The following UGT2A1 variants were observed in gnomAD, a reference collection of about 807,000 sequenced individuals.
UGT2A1 encodes UDP-glucuronosyltransferase 2A1.
UGT2A1 carries 61 observed loss-of-function variants against 45.4 expected under a neutral mutation model. The ratio of observed to expected loss-of-function variants is 1.34; its 90% CI spans 1.09 to 1.66. UGT2A1 has a LOEUF of 1.66. Ranked by LOEUF, UGT2A1 falls within the 40% of genes most tolerant of loss-of-function variation. The pLI, the probability that UGT2A1 is intolerant of heterozygous loss-of-function variation, is 0.00. For missense variants in UGT2A1, 649 were observed against 574.3 expected, an observed-to-expected ratio of 1.13 and a Z score of -1.33; for synonymous variants, 229 against 196.2, an observed-to-expected ratio of 1.17 and a Z score of -1.40.
chr4:69,628,290 A>AC (rs1721204080), intron 3 of UGT2A1, among the ~76,000 whole-genome samples: 1 of 151,784 alleles, frequency 6.6e-6, no homozygotes, highest in Non-Finnish European at 1.5e-5. Flanking sequence ...CCACAAAAAA[A>AC]CAAATATTCA....
intron 1 of UGT2A1, among the ~76,000 whole-genome samples, chr4:69,652,964 C>T (rs1275273738): frequency 6.6e-6 from 1 of 152,172 alleles, no homozygotes; most frequent in Non-Finnish European, 1.5e-5. Context: ...GCTCTGTCCA[C>T]ACAGTTCCCT....
At chr4:69,648,188 TAAATATTTATAAATTC>T (rs1214844524) in intron 1 of UGT2A1, among the ~76,000 whole-genome samples, 35 of 149,592 alleles carry the variant, frequency 2.3e-4, no homozygotes, top group Admixed American at 8.7e-4. Flanking sequence ...TATATTACTA[TAAATATTTATAAATTC>T]AAATATTTAT....
chr4:69,592,898 T>G (rs1236195179), intron 6 of UGT2A1, among the ~76,000 whole-genome samples: 2 of 152,048 alleles, frequency 1.3e-5, no homozygotes, highest in African/African-American at 4.8e-5. Context: ...TGAAGAAAAA[T>G]ATATAAAATA....
At chr4:69,625,790 C>G (rs9999430) in intron 3 of UGT2A1, among the ~76,000 whole-genome samples, 53,099 of 151,108 alleles carry the variant, frequency 0.35, 9,687 homozygotes, top group African/African-American at 0.43. Context: ...GGCAGGAAGA[C>G]TTAAAAAATC....
chr4:69,624,188 T>C (rs182597973), intron 3 of UGT2A1, among the ~76,000 whole-genome samples: 1 of 151,720 alleles, frequency 6.6e-6, no homozygotes, highest in East Asian at 1.9e-4. Flanking sequence ...TTTGTGATTA[T>C]TATGTCTTCT....
chr4:69,609,299 A>ACAACACC (rs1719887036), intron 3 of UGT2A1, among the ~76,000 whole-genome samples: 1 of 151,972 alleles, frequency 6.6e-6, no homozygotes, highest in South Asian at 2.1e-4. Context: ...CCAGAGGTGC[A>ACAACACC]CAACACCAAA....
At chr4:69,645,267 C>A (rs548710856) in intron 2 of UGT2A1, among the ~76,000 whole-genome samples, 1 of 151,796 alleles carries the variant, frequency 6.6e-6, no homozygotes, top group East Asian at 1.9e-4. Context: ...CCAAATATTC[C>A]CAAAAGTATC....
chr4:69,647,768 G>A lies in UGT2A1; in HGVS notation c.-54-70C>T, dbSNP rs867566337. The A allele has an allele frequency of 1.9e-4, 129 of 661,710 alleles. 2 individuals carry two copies. The South Asian group carries it at 2.1e-3, about 11-fold the overall frequency. The allele number at this position is 661,710 out of a possible 1,614,324, so 41.0% of individuals were successfully genotyped here. A position where few individuals can be genotyped will look rare whatever the true frequency, so the allele number is the denominator to read the frequency against. On this transcript the variant is annotated intron_variant, in intron 1 of 6. Transcript: ENST00000286604. ...AGGCAAACCATTAATATCCTTAAAA[G>A]CCTTCTTTCTAGAAAGTGATACTAG... is the stretch of plus-strand genomic sequence containing the variant.
At chr4:69,600,944 T>C (rs1719250366) in intron 3 of UGT2A1, among the ~76,000 whole-genome samples, 1 of 151,994 alleles carries the variant, frequency 6.6e-6, no homozygotes, top group Non-Finnish European at 1.5e-5. Context: ...CTTCCAACAT[T>C]GGGGATCACA....
chr4:69,618,878 G>T (rs1720570050), intron 3 of UGT2A1, among the ~76,000 whole-genome samples: 1 of 151,774 alleles, frequency 6.6e-6, no homozygotes, highest in Non-Finnish European at 1.5e-5. Flanking sequence ...CCAAACTTCG[G>T]AAAATTTTCT....
At chr4:69,592,183 T>C (rs763604675) in intron 6 of UGT2A1, among the ~76,000 whole-genome samples, 1 of 152,106 alleles carries the variant, frequency 6.6e-6, no homozygotes. Context: ...CTAAATTCCA[T>C]CCGAGTTTAC....
At chr4:69,590,294 C>T (rs1215268449) in intron 6 of UGT2A1, among the ~76,000 whole-genome samples, 1 of 152,182 alleles carries the variant, frequency 6.6e-6, no homozygotes, top group Non-Finnish European at 1.5e-5. Context: ...AATTAGAGCT[C>T]TAAATCAACT....
At chr4:69,598,500 A>G (rs1373309534) in intron 4 of UGT2A1, among the ~76,000 whole-genome samples, 1 of 152,084 alleles carries the variant, frequency 6.6e-6, no homozygotes, top group African/African-American at 2.4e-5. Context: ...AAAACCTGAC[A>G]CTATATTTAT....
At chr4:69,621,109 G>T (rs1436518194) in intron 3 of UGT2A1, among the ~76,000 whole-genome samples, 1 of 151,798 alleles carries the variant, frequency 6.6e-6, no homozygotes, top group Admixed American at 6.6e-5. Flanking sequence ...TTATGACAAA[G>T]ATGCCGAAAG....
chr4:69,591,767 ATTAGAG>A (rs1013074452), intron 6 of UGT2A1, among the ~76,000 whole-genome samples: 3 of 152,112 alleles, frequency 2.0e-5, no homozygotes, highest in Non-Finnish European at 2.9e-5. Context: ...CATTTTAAGC[ATTAGAG>A]TTAAAGAGAA....
chr4:69,637,833 A>C (rs1286263004), intron 2 of UGT2A1, among the ~76,000 whole-genome samples: 1 of 152,082 alleles, frequency 6.6e-6, no homozygotes, highest in African/African-American at 2.4e-5. Context: ...GGCATTCAAC[A>C]AATACTTTTT....
chr4:69,618,112 T>C (rs893930667), intron 3 of UGT2A1, among the ~76,000 whole-genome samples: 3 of 151,952 alleles, frequency 2.0e-5, no homozygotes, highest in Admixed American at 1.3e-4. Context: ...TTTATATAGA[T>C]ATTTAGTATC....
rs181198760 is a variant in UGT2A1 at position 69,603,683 on chromosome 4, A to T, written c.848-4289T>A. The stretch of plus-strand genomic sequence containing the variant: ...AAAAACCTTGAAAAAAAATTAGACG[A>T]ATGGCTAACTAGAATCACCAATGAA... On this transcript the variant is annotated intron_variant, in intron 3 of 6. Transcript: ENST00000286604. 2 of 136,264 alleles carry T rather than the reference A, an allele frequency of 1.5e-5. 1 individual carries two copies. The highest frequency in any genetic ancestry group is 1.4e-4 in the Admixed American group (2 of 13,830). The allele number at this position is 136,264 out of a possible 1,614,324, so 8.4% of individuals were successfully genotyped here.
chr4:69,599,724 G>A (rs376448222), intron 3 of UGT2A1: 19 of 181,822 alleles, frequency 1.0e-4, no homozygotes, highest in African/African-American at 3.6e-4. Flanking sequence ...AGAGAGAGAT[G>A]GAGAAAAGGA....
Sources: gnomAD v4.1 joint callset for allele counts (sites outside exome capture counted in the v4.1 genomes callset) on GRCh38, gnomAD v4.1.1 for gene constraint, MANE v1.5 for transcripts, NCBI Gene and HGNC (gene_info 2026-07-23, HGNC 2026-07-21) for gene names.